The following ACYP2 variants were observed in gnomAD, a reference collection of about 807,000 sequenced individuals.
The protein encoded by ACYP2 is acylphosphatase-2.
ACYP2 carries 12 observed loss-of-function variants against 11.2 expected under a neutral mutation model. That is an observed-to-expected ratio of 1.08 (90% CI 0.69 to 1.74). The LOEUF (loss-of-function observed/expected upper bound fraction) is 1.74, where lower values mean the gene tolerates loss of function less well. Ranked by LOEUF, ACYP2 falls within the 40% of genes most tolerant of loss-of-function variation. ACYP2 has a pLI of 0.00. For synonymous variants in ACYP2, 43 were observed against 32.2 expected, an observed-to-expected ratio of 1.33 and a Z score of -1.13; for missense variants, 134 against 101.9, an observed-to-expected ratio of 1.31 and a Z score of -1.35.
intron 6 of ACYP2, among the ~76,000 whole-genome samples, chr2:54,233,312 T>TTC (rs1185749519): frequency 6.6e-6 from 1 of 150,552 alleles, no homozygotes; most frequent in Non-Finnish European, 1.5e-5. Flanking sequence ...AAACTTTTTT[T>TTC]TTTTTTTTTT....
intron 2 of ACYP2, among the ~76,000 whole-genome samples, chr2:54,020,592 A>T (rs1673953723): frequency 6.6e-6 from 1 of 152,224 alleles, no homozygotes; most frequent in Non-Finnish European, 1.5e-5. Flanking sequence ...AAATAAAATT[A>T]TTGGAACACA....
At chr2:54,168,908 T>A (rs567792794) in intron 6 of ACYP2, among the ~76,000 whole-genome samples, 1 of 152,310 alleles carries the variant, frequency 6.6e-6, no homozygotes, top group African/African-American at 2.4e-5. Context: ...TTCACTTAAA[T>A]GGCCTATAAA....
At chr2:54,035,581 A>G (rs1343743371) in intron 2 of ACYP2, among the ~76,000 whole-genome samples, 1 of 152,122 alleles carries the variant, frequency 6.6e-6, no homozygotes, top group Non-Finnish European at 1.5e-5. Flanking sequence ...CAATTTCAAA[A>G]GCAAATTGTT....
chr2:54,227,335 T>C (rs576786578), intron 6 of ACYP2, among the ~76,000 whole-genome samples: 2 of 152,296 alleles, frequency 1.3e-5, no homozygotes, highest in South Asian at 4.1e-4. Flanking sequence ...ATCTCTTTTA[T>C]TCCACTTATA....
chr2:54,060,521 T>C (rs1226203835), intron 4 of ACYP2, among the ~76,000 whole-genome samples: 1 of 152,222 alleles, frequency 6.6e-6, no homozygotes, highest in East Asian at 1.9e-4. Flanking sequence ...GGATTTATTG[T>C]TGAGGTTGGA....
At chr2:54,128,566 T>C (rs1457258443) in intron 4 of ACYP2, among the ~76,000 whole-genome samples, 3 of 152,100 alleles carry the variant, frequency 2.0e-5, no homozygotes, top group African/African-American at 7.2e-5. Context: ...ACTTGGAATG[T>C]TGAGGTGAGA....
At chr2:54,025,984 G>A (rs182403677) in intron 2 of ACYP2, among the ~76,000 whole-genome samples, 5 of 152,264 alleles carry the variant, frequency 3.3e-5, no homozygotes, top group Admixed American at 1.3e-4. Context: ...AGGCGTGATG[G>A]CAGGCGCCTG....
At chr2:54,041,455 G>A (rs566306641) in intron 2 of ACYP2, among the ~76,000 whole-genome samples, 6 of 152,316 alleles carry the variant, frequency 3.9e-5, no homozygotes, top group African/African-American at 1.2e-4. Flanking sequence ...GTGTGAAATA[G>A]TCACCCAGGA....
At chr2:53,980,056 T>A (rs1348587731) in intron 2 of ACYP2, among the ~76,000 whole-genome samples, 1 of 151,962 alleles carries the variant, frequency 6.6e-6, no homozygotes, top group Non-Finnish European at 1.5e-5. Flanking sequence ...AATTTAAAAG[T>A]TCATAGCTGG....
At chr2:54,112,126 G>A (rs1178620680) in intron 4 of ACYP2, among the ~76,000 whole-genome samples, 1 of 152,022 alleles carries the variant, frequency 6.6e-6, no homozygotes, top group African/African-American at 2.4e-5. Flanking sequence ...TCTGGTGCCT[G>A]GTCATCTTTT....
chr2:54,045,744 A>T (rs921218808), intron 2 of ACYP2, among the ~76,000 whole-genome samples: 2 of 151,770 alleles, frequency 1.3e-5, no homozygotes, highest in African/African-American at 4.8e-5. Context: ...GGAACCTGGG[A>T]GGTGGAGCTT....
chr2:53,999,313 C>A (rs534485356), intron 2 of ACYP2, among the ~76,000 whole-genome samples: 81 of 152,202 alleles, frequency 5.3e-4, no homozygotes, highest in African/African-American at 1.9e-3. Context: ...CAACAAGATT[C>A]ACAGGTGGGA....
At chr2:54,041,216 G>A (rs949547714) in intron 2 of ACYP2, among the ~76,000 whole-genome samples, 4 of 151,994 alleles carry the variant, frequency 2.6e-5, no homozygotes, top group Non-Finnish European at 4.4e-5. Flanking sequence ...TAAAGTGCTG[G>A]GATTACAGGC....
chr2:53,985,923 G>A (rs1017015954), intron 2 of ACYP2, among the ~76,000 whole-genome samples: 3 of 152,084 alleles, frequency 2.0e-5, no homozygotes, highest in Non-Finnish European at 4.4e-5. Context: ...AGTACTTGAG[G>A]TCAGGAATTT....
chr2:54,255,611 C>T, intron 6 of ACYP2: 2 of 1,613,734 alleles, frequency 1.2e-6, no homozygotes, highest in Non-Finnish European at 1.7e-6. Flanking sequence ...TTTACCTCAT[C>T]TATTGCTCTG....
chr2:54,227,565 G>C (rs1180991009), intron 6 of ACYP2, among the ~76,000 whole-genome samples: 1 of 151,872 alleles, frequency 6.6e-6, no homozygotes, highest in East Asian at 1.9e-4. Flanking sequence ...GCTTGAACCT[G>C]GAAGGCCGAG....
At chr2:54,190,009 G>C (rs915380357) in intron 6 of ACYP2, among the ~76,000 whole-genome samples, 1 of 152,008 alleles carries the variant, frequency 6.6e-6, no homozygotes, top group Admixed American at 6.6e-5. Context: ...TTTGTTTTTT[G>C]AGAAATGTCC....
At chr2:54,240,762 C>T (rs1431235712) in intron 6 of ACYP2, among the ~76,000 whole-genome samples, 1 of 152,158 alleles carries the variant, frequency 6.6e-6, no homozygotes, top group East Asian at 1.9e-4. Context: ...AGTCAGGAAA[C>T]TTGGGGCCTA....
intron 6 of ACYP2, among the ~76,000 whole-genome samples, chr2:54,216,227 T>A (rs374960464): frequency 1.3e-5 from 2 of 152,220 alleles, no homozygotes; most frequent in South Asian, 4.1e-4. Flanking sequence ...AGTTCTATGA[T>A]CTATTTCTGT....
Sources: gnomAD v4.1 joint callset for allele counts (sites outside exome capture counted in the v4.1 genomes callset) on GRCh38, gnomAD v4.1.1 for gene constraint, MANE v1.5 for transcripts, NCBI Gene and HGNC (gene_info 2026-07-23, HGNC 2026-07-21) for gene names.